NCAM2: variants seen among roughly 807,000 people sequenced by gnomAD.
The protein encoded by NCAM2 is N-CAM-2.
NCAM2 carries 30 observed loss-of-function variants against 98.1 expected under a neutral mutation model. The ratio of observed to expected loss-of-function variants is 0.31; its 90% CI spans 0.23 to 0.41. NCAM2 has a LOEUF of 0.41. Ranked by LOEUF, NCAM2 falls within the 10% of genes least tolerant of loss-of-function variation. NCAM2 has a pLI of 1.00. For missense variants in NCAM2, 867 were observed against 1,005.8 expected, an observed-to-expected ratio of 0.86 and a Z score of 1.87; for synonymous variants, 368 against 342.4, an observed-to-expected ratio of 1.07 and a Z score of -0.83.
intron 1 of NCAM2, among the ~76,000 whole-genome samples, chr21:21,122,449 G>T (rs1275233152): frequency 6.6e-6 from 1 of 152,126 alleles, no homozygotes; most frequent in Non-Finnish European, 1.5e-5. Flanking sequence ...TATTCATTGT[G>T]AATTTCCACA....
At chr21:21,059,573 A>G (rs559482274) in intron 1 of NCAM2, among the ~76,000 whole-genome samples, 5 of 152,248 alleles carry the variant, frequency 3.3e-5, no homozygotes, top group Non-Finnish European at 5.9e-5. Flanking sequence ...TCTTGTACAT[A>G]TTAATCTAGA....
chr21:21,216,302 T>C (rs2069897458), intron 1 of NCAM2, among the ~76,000 whole-genome samples: 2 of 152,092 alleles, frequency 1.3e-5, no homozygotes, highest in Non-Finnish European at 1.5e-5. Flanking sequence ...AAACGGAGTA[T>C]GTGGGGGAAG....
At chr21:21,155,814 G>A (rs752935962) in intron 1 of NCAM2, among the ~76,000 whole-genome samples, 1 of 151,894 alleles carries the variant, frequency 6.6e-6, no homozygotes, top group Non-Finnish European at 1.5e-5. Flanking sequence ...AACCATGGGA[G>A]CAAGTTTTTC....
intron 5 of NCAM2, among the ~76,000 whole-genome samples, 173 bp downstream of exon 5, chr21:21,292,414 AG>A (rs2073331401): frequency 6.6e-6 from 1 of 151,896 alleles, no homozygotes; most frequent in Non-Finnish European, 1.5e-5. Flanking sequence ...TACAGCCTCA[AG>A]GCAGGATCCA....
intron 15 of NCAM2, among the ~76,000 whole-genome samples, chr21:21,496,312 A>G (rs1987230373): frequency 6.6e-6 from 1 of 151,856 alleles, no homozygotes; most frequent in African/African-American, 2.4e-5. Context: ...GATTATTCTC[A>G]TTGGTGCGAG....
Position 21,542,630 on chromosome 21 carries a change from A to G in NCAM2, c.*4673A>G, listed in dbSNP as rs1990276983. 6.6e-6 allele frequency: 1 copy of G among 151,792 alleles called. No homozygotes were observed. The highest frequency in any genetic ancestry group is 2.1e-4 in the South Asian group (1 of 4,826). The allele number at this position is 151,792 out of a possible 1,614,324, so 9.4% of individuals were successfully genotyped here. On this transcript the variant is annotated 3_prime_UTR_variant, in exon 18 of 18. Coordinates refer to ENST00000400546, the MANE Select transcript of NCAM2 (RefSeq NM_004540.5). ...CACTGTTGGAGAATTTCAAATCACA[A>G]CCCGACATAGGAGAGTAGAGAAACA...
intron 1 of NCAM2, among the ~76,000 whole-genome samples, chr21:21,277,304 A>C (rs1204613312): frequency 2.0e-5 from 3 of 152,162 alleles, no homozygotes; most frequent in Non-Finnish European, 2.9e-5. Flanking sequence ...ACTTCCAGAA[A>C]TTTATATTTA....
rs1339267207 is a variant in NCAM2, at chr21:21,130,874, A to AT, written c.55+132261dup. Reference sequence around the variant, plus strand: ...GTAATTTATTACCATTTTAGTTCACATTTTTCTAAATTGGCCAAGCAAAAA... The same window carrying AT: ...GTAATTTATTACCATTTTAGTTCACATTTTTTCTAAATTGGCCAAGCAAAAA... On this transcript the variant is annotated intron_variant, in intron 1 of 17. Transcript: ENST00000400546. Among the ~76,000 whole-genome samples the AT allele has an allele frequency of 6.6e-5, 10 of 152,272 alleles. No individual in the cohort carries two copies. In the East Asian group the frequency reaches 1.9e-3, roughly 29 times the overall value.
At chr21:21,072,617 A>G (rs919597608) in intron 1 of NCAM2, among the ~76,000 whole-genome samples, 1 of 152,160 alleles carries the variant, frequency 6.6e-6, no homozygotes, top group Admixed American at 6.5e-5. Context: ...TGGATCTGAA[A>G]ACGTTTCATT....
chr21:21,396,593 AG>A, intron 9 of NCAM2, among the ~76,000 whole-genome samples: 1 of 151,654 alleles, frequency 6.6e-6, no homozygotes, highest in Non-Finnish European at 1.5e-5. Context: ...GGGAGTGGTG[AG>A]GGGTGTATCA....
At chr21:21,136,797 G>C (rs1042708116) in intron 1 of NCAM2, among the ~76,000 whole-genome samples, 4 of 151,732 alleles carry the variant, frequency 2.6e-5, no homozygotes, top group African/African-American at 9.7e-5. Flanking sequence ...TACAAAAGAC[G>C]ACATGCAATG....
intron 12 of NCAM2, among the ~76,000 whole-genome samples, chr21:21,440,238 C>T (rs1198241788): frequency 6.6e-6 from 1 of 151,888 alleles, no homozygotes. Flanking sequence ...ATTCAGACAC[C>T]CTTCACCCAA....
intron 8 of NCAM2, among the ~76,000 whole-genome samples, chr21:21,359,570 T>A (rs187629340): frequency 1.3e-5 from 2 of 152,118 alleles, no homozygotes; most frequent in East Asian, 3.9e-4. Context: ...AAAAAAACTG[T>A]CGTCAGTTTT....
chr21:21,488,089 T>C (rs368952690), intron 15 of NCAM2, among the ~76,000 whole-genome samples: 1 of 152,126 alleles, frequency 6.6e-6, no homozygotes. Context: ...AGGGGTTAGA[T>C]TGATGTTTAA....
intron 10 of NCAM2, among the ~76,000 whole-genome samples, chr21:21,412,427 A>G (rs901253957): frequency 1.2e-4 from 13 of 109,552 alleles, no homozygotes; most frequent in Non-Finnish European, 1.3e-4. Context: ...AGTTCAGTCC[A>G]TAGAAAGTAG....
At chr21:21,037,934 T>G in intron 1 of NCAM2, among the ~76,000 whole-genome samples, 1 of 152,350 alleles carries the variant, frequency 6.6e-6, no homozygotes, top group East Asian at 1.9e-4. Flanking sequence ...ATTTTAAGGA[T>G]ATATTAATGT....
intron 1 of NCAM2, among the ~76,000 whole-genome samples, chr21:21,101,639 C>G (rs1036148409): frequency 2.0e-5 from 3 of 152,036 alleles, no homozygotes; most frequent in African/African-American, 7.2e-5. Context: ...TTCTGTGATT[C>G]ACTAGCTAAT....
chr21:21,276,333 G>A (rs1419457592), intron 1 of NCAM2, among the ~76,000 whole-genome samples: 4 of 152,122 alleles, frequency 2.6e-5, no homozygotes, highest in East Asian at 1.9e-4. Flanking sequence ...ATACTTATGA[G>A]TATAGTACAT....
chr21:21,469,521 T>G (rs1203983462), intron 14 of NCAM2, among the ~76,000 whole-genome samples: 4 of 152,036 alleles, frequency 2.6e-5, no homozygotes, highest in Admixed American at 2.6e-4. Flanking sequence ...AAGTTAAATT[T>G]TCTAAGATTC....
Sources: gnomAD v4.1 joint callset for allele counts (sites outside exome capture counted in the v4.1 genomes callset) on GRCh38, gnomAD v4.1.1 for gene constraint, MANE v1.5 for transcripts, NCBI Gene and HGNC (gene_info 2026-07-23, HGNC 2026-07-21) for gene names.